CNTNAP2: variants seen among roughly 807,000 people sequenced by gnomAD.
CNTNAP2 encodes the protein contactin associated protein 2.
A neutral mutation model predicts 155.2 loss-of-function variants in CNTNAP2; 98 were observed. That is an observed-to-expected ratio of 0.63 (90% CI 0.54 to 0.75). CNTNAP2 has a LOEUF of 0.75. Among genes scored for constraint, CNTNAP2 ranks in the 30% least tolerant of loss-of-function variants. CNTNAP2 has a pLI of 0.00. For missense variants in CNTNAP2, 1,727 were observed against 1,688.1 expected, an observed-to-expected ratio of 1.02 and a Z score of -0.40; for synonymous variants, 651 against 631.2, an observed-to-expected ratio of 1.03 and a Z score of -0.47.
intron 13 of CNTNAP2, among the ~76,000 whole-genome samples, chr7:147,663,166 T>C (rs1191130171): frequency 1.0e-5 from 1 of 99,048 alleles, no homozygotes; most frequent in Non-Finnish European, 2.0e-5. Context: ...GCCCGGCTAA[T>C]TTTTGTAATT....
chr7:146,218,966 G>A (rs1799161590), intron 1 of CNTNAP2, among the ~76,000 whole-genome samples: 1 of 152,166 alleles, frequency 6.6e-6, no homozygotes, highest in South Asian at 2.1e-4. Context: ...CACTATCTGA[G>A]ACTATATAAT....
intron 10 of CNTNAP2, among the ~76,000 whole-genome samples, chr7:147,469,858 T>C (rs1039968776): frequency 3.9e-5 from 6 of 152,116 alleles, no homozygotes; most frequent in East Asian, 1.9e-4. Context: ...GCAGGCCTCA[T>C]TGGGATGGCA....
At chr7:148,297,938 C>T (rs143815833) in intron 21 of CNTNAP2, among the ~76,000 whole-genome samples, 388 of 152,168 alleles carry the variant, frequency 2.5e-3, no homozygotes, top group Middle Eastern at 0.014. Flanking sequence ...CAAACAGCTC[C>T]CCACGCTCAA....
chr7:147,821,789 T>C (rs572934653), intron 13 of CNTNAP2, among the ~76,000 whole-genome samples: 1 of 152,238 alleles, frequency 6.6e-6, no homozygotes, highest in Non-Finnish European at 1.5e-5. Context: ...AGGGACTAAA[T>C]CAAGCTGAAC....
intron 1 of CNTNAP2, among the ~76,000 whole-genome samples, chr7:146,234,929 A>G (rs1426782896): frequency 1.3e-5 from 2 of 152,184 alleles, no homozygotes; most frequent in Non-Finnish European, 2.9e-5. Flanking sequence ...GATAATATTG[A>G]AATTGCTTAA....
chr7:147,310,435 T>G (rs920981949), intron 9 of CNTNAP2, among the ~76,000 whole-genome samples: 5 of 152,194 alleles, frequency 3.3e-5, no homozygotes, highest in Admixed American at 6.5e-5. Flanking sequence ...AAGATCTGAC[T>G]GTGAAAATAA....
chr7:147,616,665 A>G (rs1400443107), intron 12 of CNTNAP2, among the ~76,000 whole-genome samples: 3 of 152,054 alleles, frequency 2.0e-5, no homozygotes, highest in South Asian at 2.1e-4. Flanking sequence ...TCACTCCTCA[A>G]TCATTCTCCT....
chr7:147,857,238 G>A (rs1422757913), intron 13 of CNTNAP2, among the ~76,000 whole-genome samples: 1 of 152,166 alleles, frequency 6.6e-6, no homozygotes, highest in Non-Finnish European at 1.5e-5. Flanking sequence ...ACCAAATTAA[G>A]TAGTTATTTT....
At chr7:148,081,306 G>C (rs1803598880) in intron 15 of CNTNAP2, among the ~76,000 whole-genome samples, 1 of 152,132 alleles carries the variant, frequency 6.6e-6, no homozygotes, top group South Asian at 2.1e-4. Context: ...TGGATTGAAG[G>C]ATGCAAAGTA....
intron 14 of CNTNAP2, among the ~76,000 whole-genome samples, chr7:147,933,494 G>GAGATAGATAGATAGAT (rs71183037): frequency 2.5e-3 from 297 of 120,716 alleles, no homozygotes; most frequent in Middle Eastern, 3.9e-3. Flanking sequence ...CAGAAAATGT[G>GAGATAGATAGATAGAT]AGATAGATAG....
chr7:147,685,134 A>T (rs1795999092), intron 13 of CNTNAP2, among the ~76,000 whole-genome samples: 1 of 152,032 alleles, frequency 6.6e-6, no homozygotes, highest in Non-Finnish European at 1.5e-5. Flanking sequence ...CACAGCAGTG[A>T]GGAAATTTTC....
intron 11 of CNTNAP2, among the ~76,000 whole-genome samples, chr7:147,493,055 C>T (rs902159020): frequency 3.9e-5 from 6 of 152,078 alleles, no homozygotes; most frequent in Non-Finnish European, 8.8e-5. Flanking sequence ...AGAACTTATG[C>T]CACTAAGTTT....
intron 1 of CNTNAP2, among the ~76,000 whole-genome samples, chr7:146,124,325 G>A (rs1187674437): frequency 6.6e-6 from 1 of 151,894 alleles, no homozygotes; most frequent in Non-Finnish European, 1.5e-5. Context: ...AAACACATGT[G>A]GATTAAATTT....
At chr7:148,142,973 C>A (rs1294074568) in intron 16 of CNTNAP2, among the ~76,000 whole-genome samples, 1 of 152,158 alleles carries the variant, frequency 6.6e-6, no homozygotes, top group Non-Finnish European at 1.5e-5. Flanking sequence ...ATTTCTTCCA[C>A]CTATATTCTT....
chr7:148,184,143 G>T (rs1795081004), intron 18 of CNTNAP2, among the ~76,000 whole-genome samples: 1 of 152,032 alleles, frequency 6.6e-6, no homozygotes, highest in Non-Finnish European at 1.5e-5. Flanking sequence ...TCAACAAATT[G>T]ATATGTAAAC....
intron 3 of CNTNAP2, among the ~76,000 whole-genome samples, chr7:146,906,571 A>G (rs1796133231): frequency 6.6e-6 from 1 of 152,036 alleles, no homozygotes; most frequent in Non-Finnish European, 1.5e-5. Context: ...GGGTATTCCA[A>G]CAGACCTGCA....
intron 1 of CNTNAP2, among the ~76,000 whole-genome samples, chr7:146,686,567 C>G (rs1035437876): frequency 6.6e-6 from 1 of 151,954 alleles, no homozygotes. Flanking sequence ...TCTGTAAGAT[C>G]GAGGCACAGA....
At chr7:147,232,258 G>A (rs533518884) in intron 8 of CNTNAP2, among the ~76,000 whole-genome samples, 117 of 152,254 alleles carry the variant, frequency 7.7e-4, no homozygotes, top group Non-Finnish European at 1.5e-3. Flanking sequence ...AAACCACAGC[G>A]ATCTACAAAT....
At chr7:146,917,264 T>G (rs1266022460) in intron 3 of CNTNAP2, among the ~76,000 whole-genome samples, 1 of 152,210 alleles carries the variant, frequency 6.6e-6, no homozygotes, top group East Asian at 1.9e-4. Context: ...CATGAGCTGA[T>G]AAATAGAATG....
Sources: gnomAD v4.1 joint callset for allele counts (sites outside exome capture counted in the v4.1 genomes callset) on GRCh38, gnomAD v4.1.1 for gene constraint, MANE v1.5 for transcripts, NCBI Gene and HGNC (gene_info 2026-07-23, HGNC 2026-07-21) for gene names.